CSNK1G1: variants seen among roughly 807,000 people sequenced by gnomAD.
The protein encoded by CSNK1G1 is casein kinase I isoform gamma-1.
Under a neutral mutation model 59.6 loss-of-function variants are expected in CSNK1G1, and 22 were observed. The ratio of observed to expected loss-of-function variants is 0.37; its 90% CI spans 0.26 to 0.53. The LOEUF is 0.53. Among genes scored for constraint, CSNK1G1 ranks in the 20% least tolerant of loss-of-function variants. The pLI is 0.89. For missense variants in CSNK1G1, 384 were observed against 519.5 expected, an observed-to-expected ratio of 0.74 and a Z score of 2.54; for synonymous variants, 179 against 177.1, an observed-to-expected ratio of 1.01 and a Z score of -0.08.
At chr15:64,338,590 C>T (rs932541499) in intron 1 of CSNK1G1, among the ~76,000 whole-genome samples, 9 of 146,772 alleles carry the variant, frequency 6.1e-5, no homozygotes, top group African/African-American at 1.3e-4. Context: ...ATCCCAGCTA[C>T]GCAGGAAGCT....
intron 2 of CSNK1G1, among the ~76,000 whole-genome samples, chr15:64,284,591 AT>A (rs942181197): frequency 3.3e-5 from 5 of 151,856 alleles, no homozygotes; most frequent in East Asian, 3.8e-4. Context: ...GAAATTTTTA[AT>A]TTTTTTAATT....
At chr15:64,263,173 T>C (rs1040777427) in intron 2 of CSNK1G1, among the ~76,000 whole-genome samples, 1 of 152,066 alleles carries the variant, frequency 6.6e-6, no homozygotes, top group Non-Finnish European at 1.5e-5. Context: ...GTCTCATCAT[T>C]CAGTGTGCAA....
intron 2 of CSNK1G1, among the ~76,000 whole-genome samples, chr15:64,291,338 G>A (rs112799853): frequency 0.015 from 2,319 of 152,262 alleles, 54 homozygotes; most frequent in African/African-American, 0.046. Flanking sequence ...TGTAATCCCA[G>A]CACTTTGGGA....
chr15:64,274,287 T>G (rs1355594891), intron 2 of CSNK1G1, among the ~76,000 whole-genome samples: 1 of 152,164 alleles, frequency 6.6e-6, no homozygotes, highest in African/African-American at 2.4e-5. Flanking sequence ...GTTTCAGAAA[T>G]TTAGACAATC....
intron 4 of CSNK1G1, among the ~76,000 whole-genome samples, chr15:64,239,175 G>C (rs965700298): frequency 2.6e-5 from 4 of 152,120 alleles, no homozygotes; most frequent in African/African-American, 9.7e-5. Flanking sequence ...ACTCTAGAAA[G>C]TTTAAGAGAG....
intron 4 of CSNK1G1, among the ~76,000 whole-genome samples, chr15:64,220,045 T>C (rs2082366014): frequency 6.6e-6 from 1 of 151,920 alleles, no homozygotes; most frequent in Non-Finnish European, 1.5e-5. Flanking sequence ...GTGCTGGCAT[T>C]ACAGGTGTGA....
In CSNK1G1 at chr15:64,323,366, C is replaced by CT. The variant is rs879754515; in HGVS notation, c.-224-22644dup. On this transcript the variant is annotated intron_variant, in intron 1 of 11. Transcript: ENST00000303052. The stretch of plus-strand genomic sequence containing the variant: ...AAAAATTATTTAATTACTGACTATA[C>CT]TTTTTTTTTTTTCTTTGAGACAGAG... Among the ~76,000 whole-genome samples the CT allele has an allele frequency of 8.9e-4, 130 of 146,210 alleles. No homozygotes were observed. The East Asian group carries it at 0.011, about 13-fold the overall frequency.
intron 1 of CSNK1G1, among the ~76,000 whole-genome samples, chr15:64,323,225 C>T (rs2140442942): frequency 6.6e-6 from 1 of 152,266 alleles, no homozygotes; most frequent in Non-Finnish European, 1.5e-5. Flanking sequence ...GCACAACCAG[C>T]CTCCTCTTGC....
intron 10 of CSNK1G1, among the ~76,000 whole-genome samples, chr15:64,190,876 ATT>A (rs1221290938): frequency 6.6e-6 from 1 of 152,064 alleles, no homozygotes; most frequent in Non-Finnish European, 1.5e-5. Flanking sequence ...AGAACTTTTT[ATT>A]TTTTGTAATA....
At chr15:64,352,784 A>C (rs1838137707) in intron 1 of CSNK1G1, among the ~76,000 whole-genome samples, 1 of 151,846 alleles carries the variant, frequency 6.6e-6, no homozygotes, top group African/African-American at 2.4e-5. Flanking sequence ...CATGGGGAAG[A>C]AATATATTTG....
At chr15:64,321,453 A>C (rs938489820) in intron 1 of CSNK1G1, among the ~76,000 whole-genome samples, 1 of 152,006 alleles carries the variant, frequency 6.6e-6, no homozygotes, top group Non-Finnish European at 1.5e-5. Flanking sequence ...GGAAGAGACT[A>C]GGTTGTGCTA....
chr15:64,187,639 T>C (rs2081915850), intron 10 of CSNK1G1, among the ~76,000 whole-genome samples: 1 of 152,232 alleles, frequency 6.6e-6, no homozygotes, highest in Non-Finnish European at 1.5e-5. Flanking sequence ...GATGCATTTC[T>C]ACATGTACAA....
chr15:64,253,276 T>C (rs1331613343), intron 3 of CSNK1G1, among the ~76,000 whole-genome samples: 2 of 152,060 alleles, frequency 1.3e-5, no homozygotes, highest in Admixed American at 1.3e-4. Flanking sequence ...GTCCCAGAGA[T>C]CAAGACTGCA....
Position 64,207,566 on chromosome 15 carries a change from G to C in CSNK1G1, c.708C>G (p.Ala236=). 3.7e-6 allele frequency: 6 copies of C among 1,614,004 alleles called. No individual in the cohort carries two copies. The highest frequency in any genetic ancestry group is 5.1e-6 in the Non-Finnish European group (6 of 1,179,916). Reference sequence around the variant, plus strand: ...GGAAATACATGAACATATGGCCTAGGGCTTCCAAATCATCTCTCCGGCTTT... The same window carrying C: ...GGAAATACATGAACATATGGCCTAGCGCTTCCAAATCATCTCTCCGGCTTT... ...KEQSRRDDLE[A]LGHMFMYFLR... The change falls in exon 7 of 12, where the codon GCC becomes GCG. Residue 236 remains alanine, a synonymous_variant. Coordinates refer to ENST00000303052, the MANE Select transcript of CSNK1G1 (RefSeq NM_022048.5).
chr15:64,185,881 A>G (rs1165591524), intron 10 of CSNK1G1, among the ~76,000 whole-genome samples: 1 of 147,722 alleles, frequency 6.8e-6, no homozygotes, highest in Non-Finnish European at 1.5e-5. Context: ...AAAAAAAAAG[A>G]GAGAAAAAGA....
intron 2 of CSNK1G1, among the ~76,000 whole-genome samples, chr15:64,273,730 TAAAAA>T (rs780466407): frequency 1.8e-5 from 2 of 108,976 alleles, no homozygotes; most frequent in African/African-American, 6.6e-5. Context: ...GCTGATGAGC[TAAAAA>T]AAAAAAAAAA....
At chr15:64,260,555 T>C (rs566873979) in intron 2 of CSNK1G1, among the ~76,000 whole-genome samples, 5 of 152,064 alleles carry the variant, frequency 3.3e-5, no homozygotes, top group South Asian at 2.1e-4. Context: ...CTGGCCAACA[T>C]GGTGAAACCC....
intron 4 of CSNK1G1, among the ~76,000 whole-genome samples, chr15:64,225,687 C>T (rs1259898473): frequency 6.6e-6 from 1 of 152,112 alleles, no homozygotes; most frequent in Non-Finnish European, 1.5e-5. Flanking sequence ...AGTGCAATGG[C>T]GTGATCTCGG....
intron 1 of CSNK1G1, among the ~76,000 whole-genome samples, chr15:64,341,403 G>C (rs1897674826): frequency 6.6e-6 from 1 of 151,892 alleles, no homozygotes; most frequent in Non-Finnish European, 1.5e-5. Flanking sequence ...CTCCCAAAGT[G>C]CTGGGAATAC....
Sources: gnomAD v4.1 joint callset for allele counts (sites outside exome capture counted in the v4.1 genomes callset) on GRCh38, gnomAD v4.1.1 for gene constraint, MANE v1.5 for transcripts, NCBI Gene and HGNC (gene_info 2026-07-23, HGNC 2026-07-21) for gene names.